MGAT5: variants seen among roughly 807,000 people sequenced by gnomAD.
MGAT5 encodes the protein alpha-1,6-mannosylglycoprotein 6-beta-N-acetylglucosaminyltransferase, also known as alpha-1,6-mannosylglycoprotein 6-beta-N-acetylglucosaminyltransferase A.
In MGAT5, 30 loss-of-function variants were observed where a neutral mutation model predicts 94.3. That is an observed-to-expected ratio of 0.32 (90% CI 0.24 to 0.43). The LOEUF is 0.43. Ranked by LOEUF, MGAT5 falls within the 20% of genes least tolerant of loss-of-function variation. The probability of loss-of-function intolerance (pLI) is 1.00; values close to 1 mark genes in which losing one functional copy is unlikely to be tolerated. For missense variants in MGAT5, 691 were observed against 905.5 expected (o/e 0.76, Z 3.04); for synonymous variants, 310 against 322.9 (o/e 0.96, Z 0.43).
At chr2:134,231,292 T>C (rs1248087553) in intron 1 of MGAT5, 1 of 152,228 alleles carries the variant, frequency 6.6e-6, no homozygotes, top group African/African-American at 2.4e-5. Flanking sequence ...AGAAAAGTTA[T>C]AAAGCTGATT....
rs542659536 is a variant in MGAT5 at position 134,236,337 on chromosome 2, G to T, written c.-142-17925G>T. Among the ~76,000 whole-genome samples the T allele has an allele frequency of 1.3e-4, 20 of 152,238 alleles. No individual in the cohort carries two copies. In the South Asian group the frequency reaches 4.2e-3, roughly 32 times the overall value. ...GGATGAGACCCAGTTTAGGCCACAG[G>T]ATCTCCATGAAACCTCTTGAGGCTT... On this transcript the variant is annotated intron_variant, in intron 1 of 16. Transcript: ENST00000409645.
In MGAT5 at chr2:134,400,543, C is replaced by G. The variant is rs79299196; in HGVS notation, c.1381-2445C>G. On this transcript the variant is annotated intron_variant, in intron 10 of 15. Transcript: ENST00000281923. ...ATACTTCAAGAAACCCCAGCCTTTT[C>G]TGGGATTTAATGGTAATACATATGT... is the stretch of plus-strand genomic sequence containing the variant. Among the ~76,000 whole-genome samples the G allele has an allele frequency of 2.3e-4, 35 of 152,226 alleles. 1 individual carries two copies. The East Asian group carries it at 6.4e-3, about 28-fold the overall frequency.
chr2:134,255,480 T>TATATACATATATATACACATATATACAC (rs1558735809), intron 1 of MGAT5, among the ~76,000 whole-genome samples: 1 of 144,540 alleles, frequency 6.9e-6, no homozygotes, highest in African/African-American at 2.5e-5. Context: ...TATATATACA[T>TATATACATATATATACACATATATACAC]ATATACATAT....
At chr2:134,429,161 AT>A (rs1435952932) in intron 14 of MGAT5, among the ~76,000 whole-genome samples, 6 of 151,360 alleles carry the variant, frequency 4.0e-5, no homozygotes, top group Non-Finnish European at 8.8e-5. Context: ...AGGATAAAGC[AT>A]TTTTTAAGGC....
At chr2:134,238,614 G>A (rs535939846) in intron 1 of MGAT5, among the ~76,000 whole-genome samples, 13 of 152,302 alleles carry the variant, frequency 8.5e-5, no homozygotes, top group African/African-American at 3.1e-4. Flanking sequence ...ATGCTTCCAC[G>A]CAGTTCTGAG....
rs189466732 is a variant in MGAT5 at position 134,453,857 on chromosome 2, G to T, written c.*5010G>T. The T allele has an allele frequency of 2.0e-5, 3 of 152,262 alleles. No homozygotes were observed. The highest frequency in any genetic ancestry group is 1.3e-4 in the Admixed American group (2 of 15,300). 9.4% of individuals were successfully genotyped at this position (152,262 alleles called of 1,614,324 possible). A position where few individuals can be genotyped will look rare whatever the true frequency, so the allele number is the denominator to read the frequency against. On this transcript the variant is annotated 3_prime_UTR_variant, in exon 16 of 16. Coordinates refer to ENST00000281923, the MANE Select transcript of MGAT5 (RefSeq NM_002410.5). ...GTTTGCTTTTTGTTTTGGGGGAGAG[G>T]ATTTAGCCTCTTACTTCCCTGATGG...
At chr2:134,270,286 A>G in intron 1 of MGAT5, 100 bp from the exon 2 acceptor site, 2 of 1,191,168 alleles carry the variant, frequency 1.7e-6, no homozygotes, top group Non-Finnish European at 2.4e-6. Flanking sequence ...TCACTTCAGA[A>G]ACATTTGAGA....
chr2:134,240,220 T>C (rs897270651), intron 1 of MGAT5, among the ~76,000 whole-genome samples: 6 of 152,182 alleles, frequency 3.9e-5, no homozygotes, highest in African/African-American at 1.4e-4. Context: ...GAAGATCTCT[T>C]GTAAGACATG....
chr2:134,377,166 A>G (rs1459924589), intron 10 of MGAT5, among the ~76,000 whole-genome samples: 2 of 152,228 alleles, frequency 1.3e-5, no homozygotes, highest in African/African-American at 4.8e-5. Flanking sequence ...ACCATGAAGC[A>G]AGAGTTAACT....
At chr2:134,239,601 C>T (rs1451038781) in intron 1 of MGAT5, among the ~76,000 whole-genome samples, 1 of 152,082 alleles carries the variant, frequency 6.6e-6, no homozygotes, top group African/African-American at 2.4e-5. Context: ...ATTGAGCCCG[C>T]CTGGGTAGTC....
At chr2:134,283,625 A>G (rs899524829) in intron 2 of MGAT5, among the ~76,000 whole-genome samples, 1 of 128,290 alleles carries the variant, frequency 7.8e-6, no homozygotes, top group East Asian at 2.5e-4. Flanking sequence ...ATTTAAAGCC[A>G]TTGTTGAGGA....
At chr2:134,403,917 G>A (rs79367083) in intron 11 of MGAT5, among the ~76,000 whole-genome samples, 2 of 152,170 alleles carry the variant, frequency 1.3e-5, no homozygotes, top group East Asian at 1.9e-4. Context: ...GCATGATGAC[G>A]TGTTGCTTTG....
At chr2:134,399,775 AGGTCTAT>A (rs1291432369) in intron 10 of MGAT5, among the ~76,000 whole-genome samples, 3 of 152,130 alleles carry the variant, frequency 2.0e-5, no homozygotes, top group Non-Finnish European at 2.9e-5. Context: ...TGGGACATAC[AGGTCTAT>A]GGTGGTCACC....
intron 1 of MGAT5, among the ~76,000 whole-genome samples, chr2:134,126,378 A>C (rs78315998): frequency 0.027 from 4,078 of 152,324 alleles, 178 homozygotes; most frequent in African/African-American, 0.093. Flanking sequence ...GAGGGGATTG[A>C]ATGCGCTCCA....
intron 10 of MGAT5, among the ~76,000 whole-genome samples, chr2:134,374,650 C>T (rs139622543): frequency 2.0e-4 from 31 of 152,290 alleles, no homozygotes; most frequent in Non-Finnish European, 3.4e-4. Context: ...CAAAATCCAG[C>T]GGTGGCTGTG....
chr2:134,451,725 A>C lies in MGAT5; in HGVS notation c.*2878A>C, dbSNP rs915252578. On this transcript the variant is annotated 3_prime_UTR_variant, in exon 16 of 16. Coordinates refer to ENST00000281923, the MANE Select transcript of MGAT5 (RefSeq NM_002410.5). ...GGATTATTTTCCCCATTGTGATCCT[A>C]AGCTCTTAAAAAACTTGAGGGAAAA... 1 of 152,208 alleles carries C rather than the reference A, an allele frequency of 6.6e-6. No homozygotes were observed. The highest frequency in any genetic ancestry group is 1.5e-5 in the Non-Finnish European group (1 of 68,034). 9.4% of individuals were successfully genotyped at this position (152,208 alleles called of 1,614,324 possible).
chr2:134,381,382 T>TTAGCTAGA lies in MGAT5; in HGVS notation c.1380+18977_1380+18978insCTAGATAG, dbSNP rs1275452620. Among the ~76,000 whole-genome samples the TTAGCTAGA allele has an allele frequency of 6.5e-4, 71 of 108,572 alleles. 1 individual carries two copies. In the South Asian group the frequency reaches 9.9e-3, roughly 15 times the overall value. 71.2% of individuals were successfully genotyped at this position (108,572 alleles called of 152,430 possible). ...AGATAGATAGATAAGATAAGATAGATTAGATAGATAGATAGATAGATAGAT... is the reference window on the plus strand; with the variant it reads ...AGATAGATAGATAAGATAAGATAGATTAGCTAGATAGATAGATAGATAGATAGATAGAT... On this transcript the variant is annotated intron_variant, in intron 10 of 15. Transcript: ENST00000281923.
At chr2:134,273,676 T>C (rs1684173488) in intron 2 of MGAT5, among the ~76,000 whole-genome samples, 1 of 152,074 alleles carries the variant, frequency 6.6e-6, no homozygotes, top group Admixed American at 6.6e-5. Context: ...TCTCTCTAGC[T>C]GTGTTCTGTG....
intron 1 of MGAT5, among the ~76,000 whole-genome samples, chr2:134,265,092 C>G (rs1683626841): frequency 6.6e-6 from 1 of 152,164 alleles, no homozygotes; most frequent in South Asian, 2.1e-4. Flanking sequence ...CAAAGTGAGT[C>G]TGATGCACAG....
Sources: gnomAD v4.1 joint callset for allele counts (sites outside exome capture counted in the v4.1 genomes callset) on GRCh38, gnomAD v4.1.1 for gene constraint, MANE v1.5 for transcripts, NCBI Gene and HGNC (gene_info 2026-07-23, HGNC 2026-07-21) for gene names.